The following ITGA1 variants were observed in gnomAD, a reference collection of about 807,000 sequenced individuals.
The protein encoded by ITGA1 is integrin alpha-1.
Under a neutral mutation model 145.9 loss-of-function variants are expected in ITGA1, and 85 were observed. That is an observed-to-expected ratio of 0.58 (90% CI 0.49 to 0.70). The LOEUF (loss-of-function observed/expected upper bound fraction) is 0.70. ITGA1 is among the 30% of genes least tolerant of loss of function. The probability of loss-of-function intolerance (pLI) is 0.00; values close to 1 mark genes in which losing one functional copy is unlikely to be tolerated. For missense variants in ITGA1, 1,351 were observed against 1,418.7 expected (o/e 0.95, Z 0.77); for synonymous variants, 520 against 495.3 (o/e 1.05, Z -0.66).
chr5:52,834,390 G>T (rs1022441859), intron 1 of ITGA1, among the ~76,000 whole-genome samples: 9 of 151,926 alleles, frequency 5.9e-5, no homozygotes, highest in Non-Finnish European at 1.3e-4. Context: ...TCTTCTTGCC[G>T]TATCCTCACA....
chr5:52,909,974 C>T (rs1750477840), intron 13 of ITGA1, among the ~76,000 whole-genome samples, 188 bp from the exon 14 acceptor site: 1 of 152,144 alleles, frequency 6.6e-6, no homozygotes, highest in Non-Finnish European at 1.5e-5. Context: ...GTCTCCCACA[C>T]TTCTACCATC....
chr5:52,937,304 C>T, intron 23 of ITGA1, 97 bp from the exon 24 acceptor site: 1 of 786,280 alleles, frequency 1.3e-6, no homozygotes, highest in Non-Finnish European at 2.2e-6. Context: ...AAATATTACA[C>T]AATTTACTTC....
In ITGA1 at chr5:52,955,716, T is replaced by C. The variant is rs940702711; in HGVS notation, c.*3265T>C. Reference sequence around the variant, plus strand: ...GTCCTGTGATACACATTACAAAAGATGACACTTTGTAAATATTTTGAACTT... The same window carrying C: ...GTCCTGTGATACACATTACAAAAGACGACACTTTGTAAATATTTTGAACTT... On this transcript the variant is annotated 3_prime_UTR_variant, in exon 29 of 29. Transcript: ENST00000282588. 5 of 152,160 alleles carry C rather than the reference T, an allele frequency of 3.3e-5. No homozygotes were observed. Among genetic ancestry groups the C allele is most frequent in the African/African-American group, 9.7e-5 (4 of 41,446 alleles). 9.4% of individuals were successfully genotyped at this position (152,160 alleles called of 1,614,324 possible).
Position 52,912,483 on chromosome 5 carries a change from TGTATTATATATAGTGTATCCACTATAG to T in ITGA1, c.1857+2172_1857+2198del, listed in dbSNP as rs1554046498. On this transcript the variant is annotated intron_variant, in intron 14 of 28. Coordinates refer to ENST00000282588, the MANE Select transcript of ITGA1 (RefSeq NM_181501.2). ...TATTATATATAGTGTATCCAGTATA[TGTATTATATATAGTGTATCCACTATAG>T]GTATTATATATAGTGTATCCACTAT... 2.0e-3 allele frequency among the ~76,000 whole-genome samples: 243 copies of T among 119,506 alleles called. 1 individual carries two copies. The highest frequency in any genetic ancestry group is 3.2e-3 in the African/African-American group (97 of 30,200). The allele number at this position is 119,506 out of a possible 152,430, so 78.4% of individuals were successfully genotyped here. A position where few individuals can be genotyped will look rare whatever the true frequency, so the allele number is the denominator to read the frequency against.
At chr5:52,814,887 A>G (rs1561216441) in intron 1 of ITGA1, among the ~76,000 whole-genome samples, 1 of 152,100 alleles carries the variant, frequency 6.6e-6, no homozygotes, top group Non-Finnish European at 1.5e-5. Context: ...AAGTACGGAA[A>G]CTCAGTTTCT....
intron 27 of ITGA1, among the ~76,000 whole-genome samples, chr5:52,946,885 T>C (rs1315938230): frequency 6.6e-6 from 1 of 152,212 alleles, no homozygotes; most frequent in African/African-American, 2.4e-5. Context: ...TGCATTATAC[T>C]TTCAATTTAT....
intron 1 of ITGA1, among the ~76,000 whole-genome samples, chr5:52,808,773 T>A (rs1476370208): frequency 6.8e-6 from 1 of 147,176 alleles, no homozygotes; most frequent in Non-Finnish European, 1.5e-5. Flanking sequence ...CATAAGAGGT[T>A]AAAGCTGTAA....
chr5:52,801,552 T>C (rs1748485848), intron 1 of ITGA1: 1 of 1,614,146 alleles, frequency 6.2e-7, no homozygotes, highest in Non-Finnish European at 8.5e-7. Flanking sequence ...ATGAACCGGA[T>C]CGAGCTTTCT....
At chr5:52,843,630 T>G (rs886676064) in intron 1 of ITGA1, among the ~76,000 whole-genome samples, 2 of 152,180 alleles carry the variant, frequency 1.3e-5, no homozygotes, top group African/African-American at 4.8e-5. Flanking sequence ...CCAGTCCTAT[T>G]CTCAAATACT....
intron 1 of ITGA1, among the ~76,000 whole-genome samples, chr5:52,827,258 G>T (rs1748984701): frequency 6.6e-6 from 1 of 152,096 alleles, no homozygotes; most frequent in Non-Finnish European, 1.5e-5. Flanking sequence ...ACTGGAATTA[G>T]AAATAGAGCC....
At chr5:52,815,445 C>G (rs1441711937) in intron 1 of ITGA1, among the ~76,000 whole-genome samples, 1 of 152,146 alleles carries the variant, frequency 6.6e-6, no homozygotes, top group African/African-American at 2.4e-5. Flanking sequence ...GAGTATCTAG[C>G]AACCCTACAT....
intron 1 of ITGA1, among the ~76,000 whole-genome samples, chr5:52,798,512 C>T (rs1006339073): frequency 1.3e-5 from 2 of 151,984 alleles, no homozygotes; most frequent in African/African-American, 4.8e-5. Flanking sequence ...AGGACGTGCG[C>T]GGGGAAGACA....
intron 1 of ITGA1, among the ~76,000 whole-genome samples, chr5:52,845,830 T>C (rs1040822352): frequency 6.6e-6 from 1 of 152,216 alleles, no homozygotes; most frequent in African/African-American, 2.4e-5. Flanking sequence ...GCATTTCTTG[T>C]ATCAAAAAAT....
At chr5:52,833,018 C>A (rs777756854) in intron 1 of ITGA1, among the ~76,000 whole-genome samples, 6 of 151,724 alleles carry the variant, frequency 4.0e-5, no homozygotes, top group Non-Finnish European at 8.8e-5. Context: ...ATGGTGAAAA[C>A]CCATCTCTAC....
chr5:52,934,476 A>G (rs915567885), intron 23 of ITGA1, among the ~76,000 whole-genome samples: 1 of 151,864 alleles, frequency 6.6e-6, no homozygotes, highest in Non-Finnish European at 1.5e-5. Context: ...AGTATGTATC[A>G]CATTCTCCTT....
intron 1 of ITGA1, among the ~76,000 whole-genome samples, chr5:52,795,693 TC>T (rs1748327549): frequency 6.6e-6 from 1 of 151,938 alleles, no homozygotes; most frequent in Non-Finnish European, 1.5e-5. Flanking sequence ...TGAGCTCTTG[TC>T]CCTTGTTTTG....
At chr5:52,885,728 A>G (rs1380125646) in intron 7 of ITGA1, among the ~76,000 whole-genome samples, 2 of 152,226 alleles carry the variant, frequency 1.3e-5, no homozygotes, top group Non-Finnish European at 2.9e-5. Flanking sequence ...AAATCAAATT[A>G]AAGAAATGAC....
intron 6 of ITGA1, among the ~76,000 whole-genome samples, chr5:52,875,460 C>T (rs1482725219): frequency 6.6e-6 from 1 of 152,120 alleles, no homozygotes; most frequent in Non-Finnish European, 1.5e-5. Flanking sequence ...CTTTAGGTCT[C>T]TTTGGCCTTG....
chr5:52,919,989 T>C (rs1486281125), intron 16 of ITGA1, among the ~76,000 whole-genome samples: 1 of 152,196 alleles, frequency 6.6e-6, no homozygotes, highest in Non-Finnish European at 1.5e-5. Context: ...CCAACATTTC[T>C]AAACTTAAAA....
Sources: gnomAD v4.1 joint callset for allele counts (sites outside exome capture counted in the v4.1 genomes callset) on GRCh38, gnomAD v4.1.1 for gene constraint, MANE v1.5 for transcripts, NCBI Gene and HGNC (gene_info 2026-07-23, HGNC 2026-07-21) for gene names.